AP2B1: variants seen among roughly 807,000 people sequenced by gnomAD.
The protein encoded by AP2B1 is adaptor related protein complex 2 subunit beta 1, also known as AP-2 complex subunit beta.
AP2B1 carries 23 observed loss-of-function variants against 102.0 expected under a neutral mutation model. The ratio of observed to expected loss-of-function variants is 0.23; its 90% CI spans 0.16 to 0.32. The LOEUF is 0.32. Among genes scored for constraint, AP2B1 ranks in the 10% least tolerant of loss-of-function variants. AP2B1 has a pLI of 1.00. For missense variants in AP2B1, 541 were observed against 1,157.4 expected (o/e 0.47, Z 7.73); for synonymous variants, 381 against 421.2 (o/e 0.90, Z 1.17).
chr17:35,666,116 GA>G (rs2075458853), intron 14 of AP2B1, among the ~76,000 whole-genome samples: 1 of 152,038 alleles, frequency 6.6e-6, no homozygotes, highest in Non-Finnish European at 1.5e-5. Context: ...ATCTATAGCT[GA>G]ACTGAGCCTG....
chr17:35,716,552 A>T (rs2076554420), intron 20 of AP2B1, among the ~76,000 whole-genome samples: 1 of 151,964 alleles, frequency 6.6e-6, no homozygotes, highest in Non-Finnish European at 1.5e-5. Flanking sequence ...TTGTTTCGTT[A>T]TTATTTTCGA....
rs1424405664 is a variant in AP2B1, at chr17:35,624,423, A to G, written c.552A>G (p.Leu184=). 1 of 1,614,060 alleles carries G rather than the reference A, an allele frequency of 6.2e-7. No homozygotes were observed. Among genetic ancestry groups the G allele is most frequent in the Non-Finnish European group, 8.5e-7 (1 of 1,180,024 alleles). Residue 184 remains leucine, a synonymous_variant, in exon 6 of 22, where the codon TTA becomes TTG. Coordinates refer to ENST00000610402, the MANE Select transcript of AP2B1 (RefSeq NM_001030006.2). ...PMVVANAVAA[L]SEISESHPNS... is the part of the protein sequence containing the mutation. ...TGGTGGCTAATGCCGTAGCGGCATT[A>G]TCTGAAATCAGTGAGTCTCACCCAA... is the stretch of plus-strand genomic sequence containing the variant.
rs1410330130 is a variant in AP2B1, at chr17:35,720,569, ATATATTTTTTTTTTT to A, written c.2782-3054_2782-3040del. 2.1e-3 allele frequency among the ~76,000 whole-genome samples: 106 copies of A among 50,348 alleles called. 2 individuals are homozygous for A. In the East Asian group the frequency reaches 0.023, roughly 11 times the overall value. 33.0% of individuals were successfully genotyped at this position (50,348 alleles called of 152,430 possible). ...TTTATATATATATATATATATATATATATATTTTTTTTTTTTTTTTTTTTTTTTTTTAATATAGAG... is the reference window on the plus strand; with the variant it reads ...TTTATATATATATATATATATATATATTTTTTTTTTTTTTTTAATATAGAG... On this transcript the variant is annotated intron_variant, in intron 21 of 21. Coordinates refer to ENST00000610402, the MANE Select transcript of AP2B1 (RefSeq NM_001030006.2).
chr17:35,664,185 T>C (rs1457364971), intron 14 of AP2B1, among the ~76,000 whole-genome samples: 2 of 152,164 alleles, frequency 1.3e-5, no homozygotes, highest in Non-Finnish European at 2.9e-5. Context: ...CTTCTGAAAA[T>C]TTCCTATCAA....
chr17:35,628,073 CT>C (rs935226343), intron 9 of AP2B1, among the ~76,000 whole-genome samples: 8 of 151,862 alleles, frequency 5.3e-5, no homozygotes, highest in African/African-American at 1.7e-4. Context: ...ATGTACAGAC[CT>C]TTTTTTGTCT....
chr17:35,596,444 G>C (rs2073275099), intron 2 of AP2B1, among the ~76,000 whole-genome samples: 1 of 151,768 alleles, frequency 6.6e-6, no homozygotes, highest in Non-Finnish European at 1.5e-5. Flanking sequence ...CTCTACTTCT[G>C]TGTCTTACTA....
chr17:35,710,504 G>T (rs2076424318), intron 20 of AP2B1, among the ~76,000 whole-genome samples, 184 bp downstream of exon 20: 1 of 151,996 alleles, frequency 6.6e-6, no homozygotes. Flanking sequence ...TTTGATGTAG[G>T]TACTAGATTA....
chr17:35,671,152 G>A (rs1224938372), intron 15 of AP2B1, among the ~76,000 whole-genome samples: 3 of 152,136 alleles, frequency 2.0e-5, no homozygotes, highest in Admixed American at 6.5e-5. Flanking sequence ...TGATATTAAA[G>A]AGCTAAAGGA....
At chr17:35,653,887 T>G (rs2075152103) in intron 13 of AP2B1, among the ~76,000 whole-genome samples, 1 of 152,146 alleles carries the variant, frequency 6.6e-6, no homozygotes, top group African/African-American at 2.4e-5. Flanking sequence ...CTCTACTTGT[T>G]TTTCTTACTT....
At chr17:35,621,099 A>G (rs529278522) in intron 5 of AP2B1, among the ~76,000 whole-genome samples, 2 of 152,320 alleles carry the variant, frequency 1.3e-5, no homozygotes, top group Admixed American at 6.5e-5. Flanking sequence ...GAGGAAGAGG[A>G]AGTAAATCTT....
At chr17:35,674,939 T>G (rs2075669276) in intron 17 of AP2B1, among the ~76,000 whole-genome samples, 1 of 152,236 alleles carries the variant, frequency 6.6e-6, no homozygotes, top group African/African-American at 2.4e-5. Flanking sequence ...AAATCATTGT[T>G]TAACATTAGC....
chr17:35,692,605 C>G (rs587706332), intron 18 of AP2B1, among the ~76,000 whole-genome samples: 89 of 152,264 alleles, frequency 5.8e-4, no homozygotes, highest in African/African-American at 2.1e-3. Context: ...ATACCCTGCT[C>G]TCATTCATGT....
rs550230381 is a variant in AP2B1, at chr17:35,620,213, G to A, written c.526-4184G>A. On this transcript the variant is annotated intron_variant, in intron 5 of 21. Transcript: ENST00000610402. The stretch of plus-strand genomic sequence containing the variant: ...TTTGTAGGCCAGGTACCTTATGGTG[G>A]CTCACACCTGTAATCTCAGCACCTT... Among the ~76,000 whole-genome samples the A allele has an allele frequency of 1.4e-3, 210 of 152,128 alleles. 1 individual carries two copies. The highest frequency in any genetic ancestry group is 4.9e-3 in the African/African-American group (204 of 41,502).
chr17:35,674,106 ATT>A (rs1279395253), intron 16 of AP2B1, 68 bp from the exon 17 acceptor site: 29 of 1,467,368 alleles, frequency 2.0e-5, no homozygotes, highest in Non-Finnish European at 2.4e-5. Flanking sequence ...TTTGTTTTTT[ATT>A]TGTTAAAAAA....
At chr17:35,639,838 C>A in intron 11 of AP2B1, 78 bp downstream of exon 11, 1 of 1,310,638 alleles carries the variant, frequency 7.6e-7, no homozygotes, top group Non-Finnish European at 1.1e-6. Flanking sequence ...AGGTTATAGG[C>A]AGTTTCTTCT....
intron 5 of AP2B1, among the ~76,000 whole-genome samples, chr17:35,616,600 C>T (rs181976962): frequency 1.3e-5 from 2 of 152,252 alleles, no homozygotes; most frequent in Admixed American, 1.3e-4. Context: ...GTACATTTGC[C>T]AAAACTAGGA....
intron 14 of AP2B1, among the ~76,000 whole-genome samples, chr17:35,665,449 A>G (rs1455602322): frequency 6.6e-6 from 1 of 152,164 alleles, no homozygotes; most frequent in Non-Finnish European, 1.5e-5. Flanking sequence ...TGAAGATCAT[A>G]TTAAAATTTG....
At chr17:35,641,465 C>A (rs1025837003) in intron 11 of AP2B1, among the ~76,000 whole-genome samples, 4 of 152,018 alleles carry the variant, frequency 2.6e-5, no homozygotes. Context: ...GTAGTCCCAG[C>A]TACTTGGGAA....
intron 8 of AP2B1, 44 bp downstream of exon 8, chr17:35,627,549 A>T: frequency 6.2e-7 from 1 of 1,613,632 alleles, no homozygotes; most frequent in Non-Finnish European, 8.5e-7. Flanking sequence ...TTTAGCTCTT[A>T]AGGTCTGGCC....
Sources: allele counts gnomAD v4.1 joint callset (sites outside exome capture counted in the v4.1 genomes callset), GRCh38; gene constraint gnomAD v4.1.1; transcripts MANE v1.5; gene names NCBI Gene and HGNC (gene_info 2026-07-23, HGNC 2026-07-21).